WNT9B: variants seen among roughly 807,000 people sequenced by gnomAD.
The protein encoded by WNT9B is Wnt family member 9B.
Under a neutral mutation model 30.2 loss-of-function variants are expected in WNT9B, and 12 were observed. The ratio of observed to expected loss-of-function variants is 0.40; its 90% CI spans 0.26 to 0.64. The LOEUF is 0.64. Ranked by LOEUF, WNT9B falls within the 30% of genes least tolerant of loss-of-function variation. WNT9B has a pLI of 0.42. For synonymous variants in WNT9B, 218 were observed against 216.9 expected (o/e 1.01, Z -0.05); for missense variants, 442 against 485.2 (o/e 0.91, Z 0.84).
chr17:46,850,181 T>C (rs560939191), upstream of WNT9B, among the ~76,000 whole-genome samples: 30 of 152,348 alleles, frequency 2.0e-4, 2 homozygotes, highest in African/African-American at 6.7e-4. Context: ...ACAAAAATCC[T>C]GTTAGATATT....
At chr17:46,883,788 G>A (rs549365768), downstream of WNT9B, among the ~76,000 whole-genome samples, 3 of 152,260 alleles carry the variant, frequency 2.0e-5, no homozygotes, top group East Asian at 1.9e-4. Flanking sequence ...CCTGCCACTT[G>A]GTCCTCCTTG....
Position 46,851,896 on chromosome 17 carries a change from C to G in WNT9B, c.77+181C>G, listed in dbSNP as rs116246544. ...GGAGTTCGCGCCCTGAGTTCGGTCT[C>G]CAGCTTCCCCGGCTCCGAATCCATC... is the stretch of plus-strand genomic sequence containing the variant. On this transcript the variant is annotated intron_variant, in intron 1 of 3. Coordinates refer to ENST00000290015, the MANE Select transcript of WNT9B (RefSeq NM_003396.3). This position sits in a 1 kb window ranked among gnomAD's most constrained non-coding sequence, Gnocchi z 4.3. Among the ~76,000 whole-genome samples, 226 of 152,322 alleles carry G rather than the reference C, an allele frequency of 1.5e-3. No homozygotes were observed. The highest frequency in any genetic ancestry group is 5.3e-3 in the African/African-American group (221 of 41,558).
intron 2 of WNT9B, among the ~76,000 whole-genome samples, chr17:46,873,132 ACG>A (rs2085283275): frequency 6.8e-6 from 1 of 146,014 alleles, no homozygotes; most frequent in African/African-American, 2.5e-5. Context: ...ACACACACAC[ACG>A]AAACAAGGCA....
chr17:46,877,213 G>C lies in WNT9B; in HGVS notation c.*495G>C. The C allele has an allele frequency of 2.6e-6, 1 of 388,046 alleles. No homozygotes were observed. The highest frequency in any genetic ancestry group is 1.1e-4 in the South Asian group (1 of 9,390). The allele number at this position is 388,046 out of a possible 1,614,324, so 24.0% of individuals were successfully genotyped here. A position where few individuals can be genotyped will look rare whatever the true frequency, so the allele number is the denominator to read the frequency against. ...GGTCCTGTGGCCCTGCTCAGGTGCA[G>C]TGGGCTCCAGGTGTCACACACCTCC... On this transcript the variant is annotated 3_prime_UTR_variant, in exon 4 of 4. Transcript: ENST00000290015.
At chr17:46,835,568 C>T (rs1316172694) in intron 1 of WNT9B, among the ~76,000 whole-genome samples, 3 of 152,230 alleles carry the variant, frequency 2.0e-5, no homozygotes, top group Non-Finnish European at 4.4e-5. Context: ...TCCACCCTCA[C>T]CTCCTCCAGG....
In WNT9B at chr17:46,851,746, C is replaced by A; in HGVS notation, c.77+31C>A. On this transcript the variant is annotated intron_variant, in intron 1 of 3. Transcript: ENST00000290015. This position sits in a 1 kb window ranked among gnomAD's most constrained non-coding sequence, Gnocchi z 4.3. Reference sequence around the variant, plus strand: ...TGCCCGCCGCGCCCCCCGCCCGCTCCCCGGCCTGCCTGTCTCTCCCTCCTG... The same window carrying A: ...TGCCCGCCGCGCCCCCCGCCCGCTCACCGGCCTGCCTGTCTCTCCCTCCTG... The A allele has an allele frequency of 8.5e-7, 1 of 1,182,160 alleles. No individual in the cohort carries two copies. The highest frequency in any genetic ancestry group is 1.1e-6 in the Non-Finnish European group (1 of 932,952). 73.2% of individuals were successfully genotyped at this position (1,182,160 alleles called of 1,614,324 possible). A position where few individuals can be genotyped will look rare whatever the true frequency, so the allele number is the denominator to read the frequency against.
intron 1 of WNT9B, among the ~76,000 whole-genome samples, chr17:46,872,034 C>A (rs1384713673): frequency 1.3e-5 from 2 of 152,132 alleles, no homozygotes; most frequent in Middle Eastern, 3.2e-3. Flanking sequence ...ATGTCCACAT[C>A]CCCTCTGCCT....
intron 1 of WNT9B, among the ~76,000 whole-genome samples, chr17:46,857,429 T>G (rs1311406684): frequency 6.9e-6 from 1 of 144,320 alleles, no homozygotes; most frequent in Non-Finnish European, 1.5e-5. Context: ...GAGCCAAGAC[T>G]GTGCCACTGC....
At chr17:46,848,213 G>A (rs2084799658), upstream of WNT9B, among the ~76,000 whole-genome samples, 1 of 152,190 alleles carries the variant, frequency 6.6e-6, no homozygotes, top group African/African-American at 2.4e-5. Flanking sequence ...CCAAATGCCT[G>A]GACTTGGGCT....
At chr17:46,880,988 C>T, downstream of WNT9B, among the ~76,000 whole-genome samples, 1 of 152,330 alleles carries the variant, frequency 6.6e-6, no homozygotes, top group Admixed American at 6.5e-5. Flanking sequence ...AAATGAGAAG[C>T]ACAGCCATGC....
At chr17:46,882,122 T>C (rs1349391438), downstream of WNT9B, among the ~76,000 whole-genome samples, 1 of 152,174 alleles carries the variant, frequency 6.6e-6, no homozygotes, top group Non-Finnish European at 1.5e-5. Flanking sequence ...CACCACTGCC[T>C]TCCAGCCTGA....
chr17:46,855,972 T>A (rs2165845), intron 1 of WNT9B, among the ~76,000 whole-genome samples: 33,124 of 152,166 alleles, frequency 0.22, 4,380 homozygotes, highest in East Asian at 0.51. Context: ...TATAGGTGTG[T>A]GCCACCATGC....
Position 46,875,011 on chromosome 17 carries a change from C to T in WNT9B, c.335-90C>T, listed in dbSNP as rs754349853. On this transcript the variant is annotated intron_variant, in intron 2 of 3. Transcript: ENST00000290015. ...ACAGCGCTGCCACCACCGCCTCTGGCCCTCAGAGGGCGGCAGGCAACCTCT... is the reference window on the plus strand; with the variant it reads ...ACAGCGCTGCCACCACCGCCTCTGGTCCTCAGAGGGCGGCAGGCAACCTCT... The T allele has an allele frequency of 5.6e-6, 9 of 1,600,086 alleles. No homozygotes were observed. In the Admixed American group the frequency reaches 6.7e-5, roughly 12 times the overall value.
At chr17:46,868,194 A>C (rs1279010436) in intron 1 of WNT9B, among the ~76,000 whole-genome samples, 2 of 152,226 alleles carry the variant, frequency 1.3e-5, no homozygotes, top group Non-Finnish European at 1.5e-5. Flanking sequence ...GCAATTAGCA[A>C]GTTGGCAAAC....
intron 1 of WNT9B, among the ~76,000 whole-genome samples, chr17:46,857,283 A>C (rs1293366663): frequency 6.6e-6 from 1 of 152,044 alleles, no homozygotes; most frequent in Non-Finnish European, 1.5e-5. Flanking sequence ...AGCCTGGCCA[A>C]CATGGTGAAA....
At chr17:46,850,912 CAAA>C, upstream of WNT9B, among the ~76,000 whole-genome samples, 1 of 152,164 alleles carries the variant, frequency 6.6e-6, no homozygotes, top group African/African-American at 2.4e-5. Flanking sequence ...AGCATTTTGT[CAAA>C]AGCCCACGGA....
At chr17:46,850,423 C>T (rs1248949258), upstream of WNT9B, among the ~76,000 whole-genome samples, 1 of 152,180 alleles carries the variant, frequency 6.6e-6, no homozygotes, top group Non-Finnish European at 1.5e-5. Context: ...CCACCTAACA[C>T]GGTAGCCACC....
upstream of WNT9B, among the ~76,000 whole-genome samples, chr17:46,847,967 A>AGTGTGTGTGTGTGT (rs57125736): frequency 2.1e-3 from 321 of 149,692 alleles, 3 homozygotes; most frequent in African/African-American, 6.9e-3. Flanking sequence ...TGATTTCCAA[A>AGTGTGTGTGTGTGT]GTGTGTGTGT....
At chr17:46,863,860 A>C (rs1229650319) in intron 1 of WNT9B, among the ~76,000 whole-genome samples, 3 of 152,136 alleles carry the variant, frequency 2.0e-5, no homozygotes, top group Non-Finnish European at 2.9e-5. Flanking sequence ...AACTACATCC[A>C]TCCCAGGGGG....
Sources: gnomAD v4.1 joint callset for allele counts (sites outside exome capture counted in the v4.1 genomes callset) on GRCh38, gnomAD v4.1.1 for gene constraint, Gnocchi (gnomAD v3.1) non-coding constraint, MANE v1.5 for transcripts, NCBI Gene and HGNC (gene_info 2026-07-23, HGNC 2026-07-21) for gene names.